The following NLK variants were observed in gnomAD, a reference collection of about 807,000 sequenced individuals.
The protein encoded by NLK is nemo like kinase.
A neutral mutation model predicts 59.0 loss-of-function variants in NLK; 11 were observed. The observed-to-expected ratio is 0.19, with a 90% CI of 0.12 to 0.31. The LOEUF (loss-of-function observed/expected upper bound fraction) is 0.31. Ranked by LOEUF, NLK falls within the 10% of genes least tolerant of loss-of-function variation. The pLI is 1.00. For missense variants in NLK, 410 were observed against 661.1 expected (o/e 0.62, Z 4.16); for synonymous variants, 235 against 235.9 (o/e 1.00, Z 0.03).
chr17:28,203,164 T>TAC, the NLK span, among the ~76,000 whole-genome samples: 10,650 of 136,930 alleles, frequency 0.078, 429 homozygotes, highest in East Asian at 0.13. Context: ...TATACATACA[T>TAC]ACACACACAC....
At chr17:28,081,197 G>C (rs1331028077) in intron 1 of NLK, among the ~76,000 whole-genome samples, 2 of 151,744 alleles carry the variant, frequency 1.3e-5, no homozygotes, top group African/African-American at 4.8e-5. Flanking sequence ...GCCTAGACCT[G>C]GTTTGTTTTT....
chr17:28,076,548 A>C (rs1298383774), intron 1 of NLK, among the ~76,000 whole-genome samples: 2 of 152,236 alleles, frequency 1.3e-5, no homozygotes, highest in Admixed American at 6.5e-5. Context: ...CATTCAGTCC[A>C]AAGCAGTTCC....
intron 1 of NLK, among the ~76,000 whole-genome samples, chr17:28,108,260 A>G (rs1905286356): frequency 6.6e-6 from 1 of 152,160 alleles, no homozygotes; most frequent in African/African-American, 2.4e-5. Flanking sequence ...TGACAATCCA[A>G]AAGTATAAAG....
chr17:28,122,344 A>T (rs1217062761), intron 1 of NLK, among the ~76,000 whole-genome samples: 1 of 152,124 alleles, frequency 6.6e-6, no homozygotes, highest in Non-Finnish European at 1.5e-5. Context: ...TCTCTGAAAG[A>T]GTAAGTGTTT....
At chr17:28,109,112 A>G (rs1381851942) in intron 1 of NLK, among the ~76,000 whole-genome samples, 3 of 152,090 alleles carry the variant, frequency 2.0e-5, no homozygotes, top group East Asian at 1.9e-4. Flanking sequence ...CGGAGCTTGC[A>G]GTGAGCCAAG....
At chr17:28,180,065 C>T (rs935402548) in intron 7 of NLK, among the ~76,000 whole-genome samples, 21 of 151,968 alleles carry the variant, frequency 1.4e-4, no homozygotes, top group African/African-American at 5.1e-4. Flanking sequence ...GGAGCCAATG[C>T]TAGAAACTAA....
rs139686242 is a variant in NLK, at chr17:28,113,581, T to C, written c.459-9022T>C. ...CTAGTGGGAGTGTCTCTTAGCATGC[T>C]AATGCATTATAATTCCAGAGGTCAC... On this transcript the variant is annotated intron_variant, in intron 1 of 10. Transcript: ENST00000407008. Among the ~76,000 whole-genome samples the C allele has an allele frequency of 2.4e-3, 369 of 152,346 alleles. 3 individuals are homozygous for C. Among genetic ancestry groups the C allele is most frequent in the South Asian group, 6.6e-3 (32 of 4,830 alleles).
chr17:28,135,783 A>G (rs1030305375), intron 3 of NLK, among the ~76,000 whole-genome samples: 1 of 152,212 alleles, frequency 6.6e-6, no homozygotes, highest in Non-Finnish European at 1.5e-5. Flanking sequence ...TCCATTTTCT[A>G]CCTTATAGTT....
intron 1 of NLK, among the ~76,000 whole-genome samples, chr17:28,053,637 T>A (rs1301045558): frequency 6.6e-6 from 1 of 152,212 alleles, no homozygotes; most frequent in Admixed American, 6.5e-5. Flanking sequence ...GTTTATCCAT[T>A]CTTTGACCTA....
intron 1 of NLK, among the ~76,000 whole-genome samples, chr17:28,069,895 A>G (rs1035534351): frequency 1.3e-5 from 2 of 152,172 alleles, no homozygotes; most frequent in Admixed American, 1.3e-4. Context: ...AGTTAAGTTT[A>G]TCAACTTTTT....
intron 8 of NLK, among the ~76,000 whole-genome samples, chr17:28,190,248 A>AT (rs1264291349): frequency 2.6e-5 from 4 of 152,110 alleles, no homozygotes; most frequent in Non-Finnish European, 5.9e-5. Flanking sequence ...AATTTCTTTA[A>AT]TTTTTTCATG....
chr17:28,044,667 C>G (rs1908993307), intron 1 of NLK, among the ~76,000 whole-genome samples: 1 of 152,194 alleles, frequency 6.6e-6, no homozygotes, highest in Non-Finnish European at 1.5e-5. Flanking sequence ...TTCCTCTCTT[C>G]CCTTCCACAG....
intron 1 of NLK, among the ~76,000 whole-genome samples, chr17:28,110,023 A>T (rs1173631953): frequency 6.6e-6 from 1 of 152,224 alleles, no homozygotes. Flanking sequence ...TCTTAACACC[A>T]TTGAGTTTTC....
At chr17:28,053,545 G>A (rs1909333705) in intron 1 of NLK, among the ~76,000 whole-genome samples, 3 of 152,086 alleles carry the variant, frequency 2.0e-5, no homozygotes, top group Admixed American at 1.3e-4. Context: ...TCTCAGTCTT[G>A]TTTTCAATTT....
At chr17:28,163,744 AC>A in intron 5 of NLK, 116 bp downstream of exon 5, 1 of 651,432 alleles carries the variant, frequency 1.5e-6, no homozygotes, top group Non-Finnish European at 2.6e-6. Flanking sequence ...CCAAAAGTTA[AC>A]CCAGTTTTCT....
At chr17:28,179,886 T>TG (rs1311433754) in intron 7 of NLK, among the ~76,000 whole-genome samples, 2 of 149,396 alleles carry the variant, frequency 1.3e-5, no homozygotes, top group Non-Finnish European at 3.0e-5. Flanking sequence ...TTTTTTTTTT[T>TG]TTTTTTTTTT....
intron 1 of NLK, among the ~76,000 whole-genome samples, chr17:28,115,876 TTTA>T (rs1365929320): frequency 6.6e-6 from 1 of 151,748 alleles, no homozygotes; most frequent in Non-Finnish European, 1.5e-5. Context: ...TAAATTTCAT[TTTA>T]TTATTTTTAT....
At chr17:28,050,608 A>T (rs1421860243) in intron 1 of NLK, among the ~76,000 whole-genome samples, 2 of 148,636 alleles carry the variant, frequency 1.3e-5, no homozygotes, top group Non-Finnish European at 3.0e-5. Flanking sequence ...GTCAGATTTA[A>T]TTTTTTTTTT....
chr17:28,158,603 A>G (rs1907880017), intron 3 of NLK, among the ~76,000 whole-genome samples: 1 of 152,176 alleles, frequency 6.6e-6, no homozygotes, highest in Non-Finnish European at 1.5e-5. Context: ...AGCGTAAAAC[A>G]CAAGGACATT....
Sources: allele counts gnomAD v4.1 joint callset (sites outside exome capture counted in the v4.1 genomes callset), GRCh38; gene constraint gnomAD v4.1.1; transcripts MANE v1.5; gene names NCBI Gene and HGNC (gene_info 2026-07-23, HGNC 2026-07-21).